The following CTNNA2 variants were observed in gnomAD, a reference collection of about 807,000 sequenced individuals.
CTNNA2 encodes catenin alpha-2.
A neutral mutation model predicts 101.0 loss-of-function variants in CTNNA2; 42 were observed. The ratio of observed to expected loss-of-function variants is 0.42; its 90% CI spans 0.32 to 0.54. The LOEUF (loss-of-function observed/expected upper bound fraction) is 0.54. Among genes scored for constraint, CTNNA2 ranks in the 20% least tolerant of loss-of-function variants. The probability of loss-of-function intolerance (pLI) is 0.14; values close to 1 mark genes in which losing one functional copy is unlikely to be tolerated. For missense variants in CTNNA2, 871 were observed against 1,223.1 expected, an observed-to-expected ratio of 0.71 and a Z score of 4.29; for synonymous variants, 450 against 456.4, an observed-to-expected ratio of 0.99 and a Z score of 0.18.
chr2:80,551,765 G>C (rs1230179605), intron 11 of CTNNA2, among the ~76,000 whole-genome samples: 1 of 152,138 alleles, frequency 6.6e-6, no homozygotes, highest in Non-Finnish European at 1.5e-5. Context: ...CTCCATATTA[G>C]CAATAAGGCT....
At chr2:80,443,477 T>A (rs1278436505) in intron 9 of CTNNA2, among the ~76,000 whole-genome samples, 2 of 152,160 alleles carry the variant, frequency 1.3e-5, no homozygotes, top group African/African-American at 2.4e-5. Flanking sequence ...CCATTTAACA[T>A]TTCCTTGGGG....
chr2:79,192,543 G>A (rs1272883205), intron 1 of CTNNA2, among the ~76,000 whole-genome samples: 1 of 152,128 alleles, frequency 6.6e-6, no homozygotes, highest in African/African-American at 2.4e-5. Flanking sequence ...TATAGTTCCA[G>A]ATGGCATTAT....
At chr2:79,757,966 A>T (rs1672508575) in intron 3 of CTNNA2, among the ~76,000 whole-genome samples, 1 of 152,200 alleles carries the variant, frequency 6.6e-6, no homozygotes, top group African/African-American at 2.4e-5. Context: ...CGTCATTGTT[A>T]TTCTTGCTAC....
At chr2:80,435,992 A>G (rs528225849) in intron 9 of CTNNA2, among the ~76,000 whole-genome samples, 1 of 152,188 alleles carries the variant, frequency 6.6e-6, no homozygotes, top group Non-Finnish European at 1.5e-5. Context: ...TCTCCTGCTT[A>G]ATTTTTTAAA....
intron 7 of CTNNA2, among the ~76,000 whole-genome samples, chr2:79,930,456 C>T (rs1370932121): frequency 1.3e-5 from 2 of 152,120 alleles, no homozygotes; most frequent in African/African-American, 2.4e-5. Flanking sequence ...TGCCTTTGTT[C>T]CTGGAGACAG....
chr2:79,314,174 A>C (rs1295656631), intron 3 of CTNNA2, among the ~76,000 whole-genome samples: 1 of 151,764 alleles, frequency 6.6e-6, no homozygotes, highest in African/African-American at 2.4e-5. Context: ...ATGTCTCCAG[A>C]CTCTAACCAC....
intron 7 of CTNNA2, among the ~76,000 whole-genome samples, chr2:80,043,081 TTCTTTCTTTCTTTCTCTCTCTCTCTCTC>T (rs1696229453): frequency 4.6e-5 from 2 of 43,602 alleles, no homozygotes; most frequent in Non-Finnish European, 8.4e-5. Flanking sequence ...CTTTCTTTCT[TTCTTTCTTTCTTTCTCTCTCTCTCTCTC>T]TCTTTCTTTC....
At position 80,484,875 on chromosome 2, in the gene CTNNA2, G is replaced by A. The variant is rs186557751; in HGVS notation, c.1291-60107G>A. Among the ~76,000 whole-genome samples the A allele has an allele frequency of 2.6e-3, 391 of 152,068 alleles. 1 individual carries two copies. Among genetic ancestry groups the A allele is most frequent in the African/African-American group, 8.6e-3 (355 of 41,480 alleles). Reference sequence around the variant, plus strand: ...CAAAAAATTAGCCGGGCAAGGTGGTGGGCACCTGTAGTCCCAGCTACTCGG... The same window carrying A: ...CAAAAAATTAGCCGGGCAAGGTGGTAGGCACCTGTAGTCCCAGCTACTCGG... On this transcript the variant is annotated intron_variant, in intron 9 of 18. Coordinates refer to ENST00000402739, the MANE Select transcript of CTNNA2 (RefSeq NM_001282597.3).
At chr2:79,238,264 C>G (rs1328002739) in intron 2 of CTNNA2, among the ~76,000 whole-genome samples, 2 of 152,182 alleles carry the variant, frequency 1.3e-5, no homozygotes, top group Non-Finnish European at 2.9e-5. Context: ...ATCCATAGAG[C>G]AGTCGGAACA....
chr2:79,296,575 T>G (rs922594404), intron 2 of CTNNA2, among the ~76,000 whole-genome samples: 2 of 152,176 alleles, frequency 1.3e-5, no homozygotes, highest in African/African-American at 4.8e-5. Flanking sequence ...GGCACTGTAG[T>G]AGGCACTGTG....
intron 2 of CTNNA2, among the ~76,000 whole-genome samples, chr2:79,272,094 T>C (rs1344900026): frequency 6.6e-6 from 1 of 152,064 alleles, no homozygotes; most frequent in Non-Finnish European, 1.5e-5. Context: ...TATTTTAAGG[T>C]CTCTACCTCT....
At chr2:79,258,845 CAAAAAA>C (rs869066159) in intron 2 of CTNNA2, among the ~76,000 whole-genome samples, 16 of 91,372 alleles carry the variant, frequency 1.8e-4, no homozygotes, top group African/African-American at 7.0e-4. Flanking sequence ...AATCCTCTAC[CAAAAAA>C]AAAAAAAAAA....
rs542145526 is a variant in CTNNA2 at position 79,615,444 on chromosome 2, T to C, written c.-5-36108T>C. 6.6e-5 allele frequency among the ~76,000 whole-genome samples: 10 copies of C among 152,350 alleles called. No individual in the cohort carries two copies. The East Asian group carries it at 1.9e-3, about 29-fold the overall frequency. ...AATAGCTGTCTTGCTTTAACTGGAA[T>C]ATTCTAAAATTTCATTTACAGTGGA... is the stretch of plus-strand genomic sequence containing the variant. On this transcript the variant is annotated intron_variant, in intron 1 of 18. Coordinates refer to ENST00000402739, the MANE Select transcript of CTNNA2 (RefSeq NM_001282597.3).
At chr2:80,553,013 T>C (rs1308208431) in intron 11 of CTNNA2, among the ~76,000 whole-genome samples, 4 of 150,030 alleles carry the variant, frequency 2.7e-5, no homozygotes, top group Admixed American at 2.7e-4. Context: ...GGTCAGGAGT[T>C]CAAGAGCAGC....
intron 7 of CTNNA2, among the ~76,000 whole-genome samples, chr2:80,167,546 A>G (rs968629303): frequency 1.3e-5 from 2 of 152,198 alleles, no homozygotes; most frequent in Non-Finnish European, 2.9e-5. Context: ...GAGTAAATAC[A>G]GTGAAAATAT....
At chr2:79,308,709 T>C in intron 2 of CTNNA2, among the ~76,000 whole-genome samples, 1 of 152,012 alleles carries the variant, frequency 6.6e-6, no homozygotes, top group East Asian at 1.9e-4. Flanking sequence ...TCTGGTTTCA[T>C]TCTCCTGCAT....
intron 4 of CTNNA2, among the ~76,000 whole-genome samples, chr2:79,413,747 A>C (rs530407334): frequency 6.6e-6 from 1 of 151,888 alleles, no homozygotes; most frequent in Non-Finnish European, 1.5e-5. Context: ...ATTTTTGATA[A>C]TAGCTGGTAT....
rs148427030 is a variant in CTNNA2 at position 80,103,367 on chromosome 2, C to A, written c.1056+193570C>A. On this transcript the variant is annotated intron_variant, in intron 7 of 18. Transcript: ENST00000402739. ...TAGAATTCTGGTGTCTCTTAATCGT[C>A]TTAGAAGGACACGAGTCCTACTAAG... Among the ~76,000 whole-genome samples the A allele has an allele frequency of 5.5e-3, 834 of 152,238 alleles. 10 individuals carry two copies. Among genetic ancestry groups the A allele is most frequent in the African/African-American group, 0.019 (799 of 41,532 alleles).
intron 7 of CTNNA2, among the ~76,000 whole-genome samples, chr2:80,133,127 A>G (rs1404531148): frequency 6.6e-6 from 1 of 152,164 alleles, no homozygotes; most frequent in African/African-American, 2.4e-5. Flanking sequence ...TACAAGGAGG[A>G]CGCCATGTGA....
Sources: gnomAD v4.1 joint callset for allele counts (sites outside exome capture counted in the v4.1 genomes callset) on GRCh38, gnomAD v4.1.1 for gene constraint, MANE v1.5 for transcripts, NCBI Gene and HGNC (gene_info 2026-07-23, HGNC 2026-07-21) for gene names.